Variants in DCDC1 observed in about 807,000 individuals in gnomAD.
DCDC1 encodes the protein doublecortin domain-containing protein 1.
In DCDC1, 200 loss-of-function variants were observed where a neutral mutation model predicts 178.3. That is an observed-to-expected ratio of 1.12 (90% confidence interval 1.00 to 1.26). The LOEUF is 1.26. DCDC1 is among the 50% of genes most tolerant of loss of function. DCDC1 has a pLI of 0.00. For missense variants in DCDC1, 1,983 were observed against 1,749.2 expected, an observed-to-expected ratio of 1.13 and a Z score of -2.38; for synonymous variants, 690 against 604.8, an observed-to-expected ratio of 1.14 and a Z score of -2.07.
At chr11:31,126,125 G>A (rs980408701) in intron 11 of DCDC1, among the ~76,000 whole-genome samples, 3 of 152,070 alleles carry the variant, frequency 2.0e-5, no homozygotes, top group Non-Finnish European at 4.4e-5. Flanking sequence ...ACGAATAGCT[G>A]CTGATACAAA....
At chr11:30,959,457 T>G (rs1443035432) in intron 20 of DCDC1, among the ~76,000 whole-genome samples, 1 of 152,100 alleles carries the variant, frequency 6.6e-6, no homozygotes, top group African/African-American at 2.4e-5. Context: ...GCACTGATTC[T>G]CTTATATACT....
intron 20 of DCDC1, among the ~76,000 whole-genome samples, chr11:31,055,196 A>C (rs1955505526): frequency 6.6e-6 from 1 of 152,120 alleles, no homozygotes; most frequent in Non-Finnish European, 1.5e-5. Flanking sequence ...CAACTCTCAA[A>C]AGAAGATATA....
In DCDC1 at chr11:30,905,168, A is replaced by AT; in HGVS notation, c.4105-5dup. 1 of 1,565,288 alleles carries AT rather than the reference A, an allele frequency of 6.4e-7. No individual in the cohort carries two copies. The highest frequency in any genetic ancestry group is 8.7e-7 in the Non-Finnish European group (1 of 1,153,384). ...CCTTGTCACACGACAAATCAACCTAATTTTTTAAAAAATAAATTGTACATT... is the reference window on the plus strand; with the variant it reads ...CCTTGTCACACGACAAATCAACCTAATTTTTTTAAAAAATAAATTGTACATT... On this transcript the variant is annotated splice_region_variant and splice_polypyrimidine_tract_variant and intron_variant, in intron 30 of 38. Coordinates refer to ENST00000684477, the MANE Select transcript of DCDC1 (RefSeq NM_001387274.1).
chr11:30,914,580 A>T (rs1223658468), intron 27 of DCDC1, among the ~76,000 whole-genome samples: 1 of 151,870 alleles, frequency 6.6e-6, no homozygotes, highest in East Asian at 1.9e-4. Context: ...AATCTAAAAA[A>T]CAGGGAATTG....
intron 36 of DCDC1, 135 bp from the exon 37 acceptor site, chr11:30,881,443 T>C (rs1942659951): frequency 8.7e-7 from 1 of 1,154,880 alleles, no homozygotes; most frequent in Admixed American, 2.6e-5. Context: ...GACATTCGTA[T>C]AGAAGAGATG....
intron 1 of DCDC1, among the ~76,000 whole-genome samples, chr11:31,356,461 C>T (rs1435583797): frequency 6.6e-6 from 1 of 151,834 alleles, no homozygotes; most frequent in Non-Finnish European, 1.5e-5. Flanking sequence ...ATTTATAGCA[C>T]TAAATGCCCA....
intron 20 of DCDC1, among the ~76,000 whole-genome samples, chr11:31,059,932 G>A (rs765515459): frequency 4.6e-5 from 7 of 151,942 alleles, no homozygotes; most frequent in African/African-American, 9.7e-5. Context: ...TTATTTGTCT[G>A]CTTAAAGAGT....
intron 15 of DCDC1, among the ~76,000 whole-genome samples, chr11:31,096,669 C>A: frequency 6.6e-6 from 1 of 151,798 alleles, no homozygotes; most frequent in Non-Finnish European, 1.5e-5. Context: ...CACAGCAAGG[C>A]CCACTAACCC....
chr11:31,229,215 T>C (rs985468925), intron 9 of DCDC1, among the ~76,000 whole-genome samples: 12 of 151,868 alleles, frequency 7.9e-5, no homozygotes, highest in Admixed American at 5.2e-4. Flanking sequence ...ACTTGGAAAA[T>C]AGAAGAGGAA....
chr11:30,881,972 T>C (rs1942722230), intron 36 of DCDC1: 1 of 153,656 alleles, frequency 6.5e-6, no homozygotes, highest in African/African-American at 2.4e-5. Flanking sequence ...GCAATTCCAT[T>C]AAAATGTGAA....
At chr11:31,298,849 C>G (rs1401280731) in intron 6 of DCDC1, among the ~76,000 whole-genome samples, 1 of 152,110 alleles carries the variant, frequency 6.6e-6, no homozygotes. Flanking sequence ...GAATAAAAAG[C>G]AGCAAACTTG....
At chr11:31,301,826 G>A (rs1252028384) in intron 6 of DCDC1, among the ~76,000 whole-genome samples, 1 of 152,086 alleles carries the variant, frequency 6.6e-6, no homozygotes, top group African/African-American at 2.4e-5. Flanking sequence ...AGCTGTCATA[G>A]CAAATTATTT....
chr11:31,108,235 G>A (rs910382586), intron 12 of DCDC1, among the ~76,000 whole-genome samples: 4 of 152,114 alleles, frequency 2.6e-5, no homozygotes, highest in African/African-American at 9.7e-5. Context: ...TTGAGCATTG[G>A]AAAGGCATTA....
intron 20 of DCDC1, among the ~76,000 whole-genome samples, chr11:31,033,303 T>C (rs780191725): frequency 9.2e-5 from 14 of 152,104 alleles, no homozygotes; most frequent in African/African-American, 3.4e-4. Context: ...CACACACACA[T>C]ATAATTACAT....
chr11:31,301,581 T>C (rs931276139), intron 6 of DCDC1, among the ~76,000 whole-genome samples: 2 of 152,228 alleles, frequency 1.3e-5, no homozygotes, highest in African/African-American at 4.8e-5. Flanking sequence ...TGAATCCAGG[T>C]TCATTAAATG....
intron 28 of DCDC1, among the ~76,000 whole-genome samples, chr11:30,910,951 C>T (rs11824075): frequency 0.015 from 2,223 of 152,258 alleles, 58 homozygotes; most frequent in African/African-American, 0.051. Context: ...TAAACGGGAG[C>T]CTTGCATATG....
chr11:31,325,200 T>A (rs1949582314), intron 3 of DCDC1, among the ~76,000 whole-genome samples: 1 of 152,178 alleles, frequency 6.6e-6, no homozygotes, highest in Admixed American at 6.5e-5. Context: ...CACTCCAGCA[T>A]TTGGAGTGCT....
intron 11 of DCDC1, among the ~76,000 whole-genome samples, chr11:31,119,722 C>T (rs1478578903): frequency 6.6e-6 from 1 of 152,148 alleles, no homozygotes; most frequent in Non-Finnish European, 1.5e-5. Flanking sequence ...ATCTCAACTT[C>T]TTTCATGGTG....
Position 30,903,462 on chromosome 11 carries a change from T to G in DCDC1, c.4510+20A>C. 6.4e-7 allele frequency: 1 copy of G among 1,561,944 alleles called. No homozygotes were observed. The highest frequency in any genetic ancestry group is 1.9e-5 in the Admixed American group (1 of 53,018). On this transcript the variant is annotated intron_variant, in intron 32 of 38. Coordinates refer to ENST00000684477, the MANE Select transcript of DCDC1 (RefSeq NM_001387274.1). ...TCAAGCATAAGTAGAATCAGCTAAA[T>G]GCTGTAGATTGTAGCCAACCTTCCA...
Sources: allele counts gnomAD v4.1 joint callset (sites outside exome capture counted in the v4.1 genomes callset), GRCh38; gene constraint gnomAD v4.1.1; transcripts MANE v1.5; gene names NCBI Gene and HGNC (gene_info 2026-07-23, HGNC 2026-07-21).